Variants in ZNF143 observed in about 807,000 individuals in gnomAD.
ZNF143 encodes the protein SPH-binding factor.
ZNF143 carries 49 observed loss-of-function variants against 74.1 expected under a neutral mutation model. The ratio of observed to expected loss-of-function variants is 0.66; its 90% confidence interval spans 0.53 to 0.84. The LOEUF is 0.84. ZNF143 is among the 40% of genes least tolerant of loss of function. The probability of loss-of-function intolerance (pLI) is 0.00; values close to 1 mark genes in which losing one functional copy is unlikely to be tolerated. For missense variants in ZNF143, 637 were observed against 793.4 expected (o/e 0.80, Z 2.37); for synonymous variants, 304 against 282.8 (o/e 1.07, Z -0.75).
chr11:9,506,414 A>G (rs937232030), intron 11 of ZNF143, among the ~76,000 whole-genome samples: 1 of 152,258 alleles, frequency 6.6e-6, no homozygotes, highest in South Asian at 2.1e-4. Flanking sequence ...GCAAATTAGC[A>G]TTCAATAAGA....
intron 11 of ZNF143, among the ~76,000 whole-genome samples, chr11:9,504,602 T>C (rs1000682759): frequency 2.4e-5 from 3 of 126,484 alleles, no homozygotes; most frequent in African/African-American, 7.6e-5. Flanking sequence ...AATTTTAATA[T>C]ATTGTTTTAT....
chr11:9,497,562 A>T, intron 9 of ZNF143, 113 bp from the exon 10 acceptor site: 1 of 831,356 alleles, frequency 1.2e-6, no homozygotes, highest in Non-Finnish European at 1.8e-6. Context: ...TATTCTGTGT[A>T]TTTGCCTGAT....
rs188054875 is a variant in ZNF143, at chr11:9,478,544, T to C, written c.528T>C (p.Ile176=). The C allele has an allele frequency of 2.5e-6, 4 of 1,614,190 alleles. No homozygotes were observed. The East Asian group carries it at 8.9e-5, about 36-fold the overall frequency. Reference sequence around the variant, plus strand: ...GTCTGCACACTGGGGATGCTACAATTGACCCTGACACCATCAGTGCTTTGG... The same window carrying C: ...GTCTGCACACTGGGGATGCTACAATCGACCCTGACACCATCAGTGCTTTGG... The part of the protein sequence containing the change: ...VAGLHTGDAT[I]DPDTISALEQ... Residue 176 remains isoleucine (I), a synonymous_variant, in exon 6 of 16, where the codon ATT becomes ATC. Transcript: ENST00000396602.
chr11:9,515,300 G>A (rs150284799), intron 13 of ZNF143, among the ~76,000 whole-genome samples: 1 of 152,066 alleles, frequency 6.6e-6, no homozygotes, highest in African/African-American at 2.4e-5. Context: ...ATTCAGATGG[G>A]AGAAAAATAA....
At chr11:9,512,663 G>A (rs181666951) in intron 13 of ZNF143, 67 bp downstream of exon 13, 1 of 1,593,384 alleles carries the variant, frequency 6.3e-7, no homozygotes, top group East Asian at 2.2e-5. Context: ...AGGCAGGCTG[G>A]GTCCCCATTG....
At chr11:9,518,602 AG>A (rs2134226287) in intron 14 of ZNF143, among the ~76,000 whole-genome samples, 1 of 152,256 alleles carries the variant, frequency 6.6e-6, no homozygotes, top group African/African-American at 2.4e-5. Context: ...CTGTAATCAC[AG>A]CTACTCAGGA....
At chr11:9,499,980 G>A (rs1176268868) in intron 10 of ZNF143, among the ~76,000 whole-genome samples, 8 of 152,300 alleles carry the variant, frequency 5.3e-5, no homozygotes, top group Admixed American at 3.3e-4. Flanking sequence ...TCTCACTTCA[G>A]TGCCCAGGCT....
At chr11:9,520,422 A>C (rs1005585394) in intron 14 of ZNF143, among the ~76,000 whole-genome samples, 5 of 148,654 alleles carry the variant, frequency 3.4e-5, no homozygotes, top group Non-Finnish European at 7.4e-5. Flanking sequence ...CACTTAGCCC[A>C]GGAGGTTGAG....
intron 11 of ZNF143, among the ~76,000 whole-genome samples, chr11:9,507,805 C>T (rs921231370): frequency 2.0e-5 from 3 of 151,974 alleles, no homozygotes; most frequent in African/African-American, 7.3e-5. Flanking sequence ...GGTATACAGC[C>T]TGAAAGAAAA....
intron 4 of ZNF143, 144 bp from the exon 5 acceptor site, chr11:9,474,406 C>T: frequency 1.3e-6 from 1 of 790,092 alleles, no homozygotes. Context: ...GGAAGCTTTA[C>T]TGAACTTACT....
chr11:9,501,498 A>G (rs192967476), intron 11 of ZNF143, among the ~76,000 whole-genome samples: 41 of 152,324 alleles, frequency 2.7e-4, no homozygotes, highest in African/African-American at 8.9e-4. Flanking sequence ...GAGATAAGAC[A>G]TTGTCAAGGG....
At chr11:9,521,559 A>G (rs1488779966) in intron 14 of ZNF143, among the ~76,000 whole-genome samples, 1 of 149,948 alleles carries the variant, frequency 6.7e-6, no homozygotes, top group African/African-American at 2.5e-5. Flanking sequence ...CTTTTTGCGG[A>G]GGTTTTTTTT....
intron 10 of ZNF143, among the ~76,000 whole-genome samples, chr11:9,499,187 G>A (rs1848070234): frequency 6.6e-6 from 1 of 152,170 alleles, no homozygotes; most frequent in African/African-American, 2.4e-5. Flanking sequence ...TTGGTATAGT[G>A]TGGGATTGAG....
intron 11 of ZNF143, among the ~76,000 whole-genome samples, chr11:9,505,474 T>A (rs1038887984): frequency 2.6e-5 from 4 of 151,808 alleles, no homozygotes; most frequent in Non-Finnish European, 5.9e-5. Flanking sequence ...TTCACCATGT[T>A]GGCCCAGCTG....
chr11:9,469,432 T>G (rs1299485947), intron 1 of ZNF143, among the ~76,000 whole-genome samples: 1 of 151,796 alleles, frequency 6.6e-6, no homozygotes. Flanking sequence ...GGGTTTCACC[T>G]TGTTGGTCAG....
intron 11 of ZNF143, among the ~76,000 whole-genome samples, chr11:9,505,861 T>C (rs1256653976): frequency 7.3e-6 from 1 of 137,044 alleles, no homozygotes; most frequent in Non-Finnish European, 1.5e-5. Flanking sequence ...CCTGGGCGAC[T>C]GAGTGAGACT....
In ZNF143 at chr11:9,486,825, C is replaced by T. The variant is rs189915143; in HGVS notation, c.645+7279C>T. On this transcript the variant is annotated intron_variant, in intron 7 of 15. Transcript: ENST00000396602. Reference sequence around the variant, plus strand: ...CTGGGACTACAGGCACCCGCCACCACGCCTGGCTAATTTTTTGTATTTTTA... The same window carrying T: ...CTGGGACTACAGGCACCCGCCACCATGCCTGGCTAATTTTTTGTATTTTTA... Among the ~76,000 whole-genome samples, 402 of 149,916 alleles carry T rather than the reference C, an allele frequency of 2.7e-3. 10 individuals carry two copies. The highest frequency in any genetic ancestry group is 0.01 in the Middle Eastern group (3 of 294).
intron 2 of ZNF143, among the ~76,000 whole-genome samples, 171 bp downstream of exon 2, chr11:9,471,591 C>G (rs569657955): frequency 2.0e-5 from 3 of 150,244 alleles, no homozygotes; most frequent in African/African-American, 7.3e-5. Flanking sequence ...TTACTCTTGT[C>G]GCCCAGGCTG....
rs550017494 is a variant in ZNF143, at chr11:9,485,219, A to G, written c.645+5673A>G. Among the ~76,000 whole-genome samples, 5 of 151,530 alleles carry G rather than the reference A, an allele frequency of 3.3e-5. 1 individual carries two copies. The highest frequency in any genetic ancestry group is 1.2e-4 in the African/African-American group (5 of 40,878). On this transcript the variant is annotated intron_variant, in intron 7 of 15. Coordinates refer to ENST00000396602, the MANE Select transcript of ZNF143 (RefSeq NM_003442.6). ...ATCTATTTTACATATTTTTAAATAT[A>G]AAAGTAATCATGTTTATGTTTAGAA...
Sources: gnomAD v4.1 joint callset for allele counts (sites outside exome capture counted in the v4.1 genomes callset) on GRCh38, gnomAD v4.1.1 for gene constraint, MANE v1.5 for transcripts, NCBI Gene and HGNC (gene_info 2026-07-23, HGNC 2026-07-21) for gene names.